SPIDR: variants seen among roughly 807,000 people sequenced by gnomAD.
SPIDR encodes the protein scaffold protein involved in DNA repair.
A neutral mutation model predicts 104.6 loss-of-function variants in SPIDR; 93 were observed. The ratio of observed to expected loss-of-function variants is 0.89; its 90% CI spans 0.75 to 1.06. SPIDR has a LOEUF of 1.06. Ranked by LOEUF, SPIDR falls within the 50% of genes least tolerant of loss-of-function variation. SPIDR has a pLI of 0.00. For synonymous variants in SPIDR, 431 were observed against 416.9 expected (o/e 1.03, Z -0.41); for missense variants, 1,154 against 1,111.2 (o/e 1.04, Z -0.55).
At chr8:47,727,093 G>T in intron 16 of SPIDR, 107 bp from the exon 17 acceptor site, 1 of 856,384 alleles carries the variant, frequency 1.2e-6, no homozygotes, top group South Asian at 1.5e-5. Flanking sequence ...TCCCAAGTAA[G>T]GCAAAAATCA....
At chr8:47,320,124 A>AT (rs2046260369) in intron 5 of SPIDR, among the ~76,000 whole-genome samples, 1 of 152,202 alleles carries the variant, frequency 6.6e-6, no homozygotes, top group Non-Finnish European at 1.5e-5. Context: ...AAATAGAGAC[A>AT]TAAAAAACCC....
intron 10 of SPIDR, among the ~76,000 whole-genome samples, chr8:47,614,151 G>C (rs1047267085): frequency 4.6e-5 from 7 of 152,092 alleles, no homozygotes; most frequent in Admixed American, 2.0e-4. Context: ...ATATTCTGCT[G>C]GGGATAACGG....
chr8:47,408,425 C>T (rs892015712), intron 7 of SPIDR, among the ~76,000 whole-genome samples: 1 of 152,126 alleles, frequency 6.6e-6, no homozygotes, highest in Non-Finnish European at 1.5e-5. Flanking sequence ...GTGCCCAGCT[C>T]CTCTTAGCAA....
intron 8 of SPIDR, among the ~76,000 whole-genome samples, chr8:47,552,748 T>G (rs1299658945): frequency 6.6e-6 from 1 of 152,248 alleles, no homozygotes; most frequent in East Asian, 1.9e-4. Context: ...TTGGAGCATT[T>G]AGCCCATTTA....
At position 47,516,400 on chromosome 8, in the gene SPIDR, C is replaced by T. The variant is rs991657335; in HGVS notation, c.1097+75858C>T. 1.2e-4 allele frequency among the ~76,000 whole-genome samples: 18 copies of T among 152,302 alleles called. 1 individual carries two copies. The highest frequency in any genetic ancestry group is 6.8e-3 in the Middle Eastern group (2 of 294). On this transcript the variant is annotated intron_variant, in intron 8 of 19. Coordinates refer to ENST00000297423, the MANE Select transcript of SPIDR (RefSeq NM_001080394.4). The stretch of plus-strand genomic sequence containing the variant: ...ATTTCCAGAACTTTTTCATCATCCC[C>T]GGCATGAACTCTGGTGCCTACTAAA...
chr8:47,596,870 A>G (rs940911504), intron 9 of SPIDR, among the ~76,000 whole-genome samples: 2 of 150,930 alleles, frequency 1.3e-5, no homozygotes, highest in African/African-American at 2.4e-5. Context: ...TTTTGTTGTA[A>G]ACTAAAACAC....
At chr8:47,495,724 A>T (rs1048789890) in intron 8 of SPIDR, among the ~76,000 whole-genome samples, 2 of 152,156 alleles carry the variant, frequency 1.3e-5, no homozygotes, top group Non-Finnish European at 2.9e-5. Flanking sequence ...GTATGATGTA[A>T]AAAGGGGTTC....
intron 5 of SPIDR, among the ~76,000 whole-genome samples, chr8:47,349,481 G>A (rs1374450393): frequency 6.6e-6 from 1 of 152,188 alleles, no homozygotes; most frequent in African/African-American, 2.4e-5. Context: ...TCCATTCTAG[G>A]AGAACCACTG....
intron 9 of SPIDR, among the ~76,000 whole-genome samples, chr8:47,597,535 C>T (rs2061756972): frequency 6.6e-6 from 1 of 152,206 alleles, no homozygotes; most frequent in Admixed American, 6.5e-5. Flanking sequence ...GTCAAACATG[C>T]TGTCCATTGT....
chr8:47,539,384 C>T (rs2087641314), intron 8 of SPIDR, among the ~76,000 whole-genome samples: 1 of 152,150 alleles, frequency 6.6e-6, no homozygotes, highest in African/African-American at 2.4e-5. Flanking sequence ...GCGAGGCCAC[C>T]TCCCTTAGCC....
rs1380561024 is a variant in SPIDR at position 47,676,685 on chromosome 8, A to G, written c.1685+2744A>G. On this transcript the variant is annotated intron_variant, in intron 11 of 19. Transcript: ENST00000297423. ...AAAATAACCTTTTCCCAATTGGAAGATAGTTGTATGTTTGGGCTAAGTCAC... is the reference window on the plus strand; with the variant it reads ...AAAATAACCTTTTCCCAATTGGAAGGTAGTTGTATGTTTGGGCTAAGTCAC... Among the ~76,000 whole-genome samples the G allele has an allele frequency of 2.6e-5, 4 of 152,190 alleles. No homozygotes were observed. In the East Asian group the frequency reaches 5.8e-4, roughly 22 times the overall value.
At chr8:47,274,524 A>ATGCAGGGTTTT (rs2035973675) in intron 1 of SPIDR, among the ~76,000 whole-genome samples, 1 of 151,718 alleles carries the variant, frequency 6.6e-6, no homozygotes, top group East Asian at 1.9e-4. Flanking sequence ...TTTCCCCTTG[A>ATGCAGGGTTTT]TTGATAGTTT....
At chr8:47,414,526 C>G (rs148011158) in intron 7 of SPIDR, among the ~76,000 whole-genome samples, 1 of 152,098 alleles carries the variant, frequency 6.6e-6, no homozygotes, top group Non-Finnish European at 1.5e-5. Flanking sequence ...ATTGATCTGT[C>G]GATTATAATG....
At chr8:47,609,459 G>C (rs1037337729) in intron 10 of SPIDR, among the ~76,000 whole-genome samples, 16 of 152,152 alleles carry the variant, frequency 1.1e-4, no homozygotes, top group Admixed American at 6.5e-5. Context: ...CTTGTAGTTA[G>C]AGATTATGTT....
chr8:47,608,884 C>T (rs373120296), intron 10 of SPIDR, among the ~76,000 whole-genome samples: 25 of 152,170 alleles, frequency 1.6e-4, no homozygotes, highest in African/African-American at 3.1e-4. Flanking sequence ...TGCGCTACCA[C>T]GCCCAGCTAA....
rs1233714816 is a variant in SPIDR at position 47,299,363 on chromosome 8, G to T, written c.525+5333G>T. On this transcript the variant is annotated intron_variant, in intron 5 of 19. Transcript: ENST00000297423. The stretch of plus-strand genomic sequence containing the variant: ...AGGAGATTTTGGGCTGAGGCAATGG[G>T]GTTTTCTAGATATACAATCATGTCA... 2.8e-3 allele frequency among the ~76,000 whole-genome samples: 420 copies of T among 152,184 alleles called. 1 individual carries two copies. Among genetic ancestry groups the T allele is most frequent in the African/African-American group, 9.9e-3 (410 of 41,506 alleles).
chr8:47,727,231 T>C lies in SPIDR; in HGVS notation c.2373T>C (p.Ala791=), dbSNP rs1482246223. 3.1e-6 allele frequency: 5 copies of C among 1,614,152 alleles called. No homozygotes were observed. The South Asian group carries it at 3.3e-5, about 11-fold the overall frequency. The change falls in exon 17 of 20, where the codon GCT becomes GCC. Residue 791 remains alanine (A), a synonymous_variant. Coordinates refer to ENST00000297423, the MANE Select transcript of SPIDR (RefSeq NM_001080394.4). Reference sequence around the variant, plus strand: ...TGGTTGGCGTGGACGAGAGCACTGCTTTCTCATGGCCTGTGTGTGACATGT... The same window carrying C: ...TGGTTGGCGTGGACGAGAGCACTGCCTTCTCATGGCCTGTGTGTGACATGT... The part of the protein sequence containing the change: ...GTVVGVDEST[A]FSWPVCDMCG...
At chr8:47,296,213 A>C (rs2040817245) in intron 5 of SPIDR, among the ~76,000 whole-genome samples, 2 of 152,128 alleles carry the variant, frequency 1.3e-5, no homozygotes, top group African/African-American at 4.8e-5. Flanking sequence ...ATTTTCTCTC[A>C]ATCCATGGCA....
intron 7 of SPIDR, among the ~76,000 whole-genome samples, chr8:47,418,642 A>G (rs1387619106): frequency 6.6e-6 from 1 of 152,124 alleles, no homozygotes; most frequent in African/African-American, 2.4e-5. Context: ...CCTGGCCAGA[A>G]CTTCCAACAC....
Sources: gnomAD v4.1 joint callset for allele counts (sites outside exome capture counted in the v4.1 genomes callset) on GRCh38, gnomAD v4.1.1 for gene constraint, MANE v1.5 for transcripts, NCBI Gene and HGNC (gene_info 2026-07-23, HGNC 2026-07-21) for gene names.